The following MAGI1 variants were observed in gnomAD, a reference collection of about 807,000 sequenced individuals.
The protein encoded by MAGI1 is membrane associated guanylate kinase, WW and PDZ domain containing 1.
Under a neutral mutation model 139.9 loss-of-function variants are expected in MAGI1, and 58 were observed. That is an observed-to-expected ratio of 0.41 (90% CI 0.34 to 0.52). The LOEUF is 0.52. MAGI1 is among the 20% of genes least tolerant of loss of function. The pLI is 0.12. For synonymous variants in MAGI1, 812 were observed against 737.9 expected (o/e 1.10, Z -1.63); for missense variants, 1,874 against 1,901.6 (o/e 0.99, Z 0.27).
chr3:65,429,585 T>A lies in MAGI1; in HGVS notation c.2102A>T (p.Gln701Leu). Residue 701 changes from glutamine (Q) to leucine (L), a missense_variant, in exon 12 of 23, where the codon CAA (glutamine) becomes CTA (leucine). This residue lies in a region of MAGI1 where 482 missense variants were observed against 509.6 expected (regional missense o/e 0.95). Transcript: ENST00000402939. ...ACACTCAACCAGCATATCCACCACT[T>A]GGTTGTGAGTTAGGGCCTGCACGTT... is the stretch of plus-strand genomic sequence containing the variant. ...KKNVQALTHN[Q>L]VVDMLVECPK... is the part of the protein sequence containing the mutation. 2 of 1,613,914 alleles carry A rather than the reference T, an allele frequency of 1.2e-6. No individual in the cohort carries two copies. Among genetic ancestry groups the A allele is most frequent in the Non-Finnish European group, 1.7e-6 (2 of 1,179,908 alleles).
At chr3:65,359,116 T>C in intron 22 of MAGI1, 1 of 1,614,016 alleles carries the variant, frequency 6.2e-7, no homozygotes, top group Non-Finnish European at 8.5e-7. Context: ...GAGCTTTTCA[T>C]TTCTCATACA....
intron 1 of MAGI1, among the ~76,000 whole-genome samples, chr3:65,882,892 G>A (rs988899991): frequency 6.2e-5 from 9 of 144,416 alleles, no homozygotes; most frequent in Admixed American, 1.4e-4. Context: ...CCATGATCAC[G>A]CAACTGCATT....
At chr3:65,690,195 T>G (rs1271269724) in intron 1 of MAGI1, among the ~76,000 whole-genome samples, 1 of 152,138 alleles carries the variant, frequency 6.6e-6, no homozygotes, top group Non-Finnish European at 1.5e-5. Flanking sequence ...GTAGACTACA[T>G]GGAGTCTATT....
At chr3:65,856,905 T>C (rs548885140) in intron 1 of MAGI1, among the ~76,000 whole-genome samples, 1 of 152,334 alleles carries the variant, frequency 6.6e-6, no homozygotes, top group South Asian at 2.1e-4. Flanking sequence ...AAATCGCCCA[T>C]GGATCCAGAC....
intron 2 of MAGI1, among the ~76,000 whole-genome samples, chr3:65,508,041 A>C (rs576994089): frequency 9.3e-4 from 142 of 152,340 alleles, no homozygotes; most frequent in African/African-American, 2.6e-3. Context: ...GACTTTAAAA[A>C]TAACTATCTC....
rs147346297 is a variant in MAGI1, at chr3:65,957,720, G to A, written c.313+80276C>T. Among the ~76,000 whole-genome samples, 528 of 152,010 alleles carry A rather than the reference G, an allele frequency of 3.5e-3. 2 individuals are homozygous for A. The highest frequency in any genetic ancestry group is 0.024 in the Middle Eastern group (7 of 294). ...TGGTTACCAGGGAGCGAGCCTACCC[G>A]GGGGCTTCCTGGTTGCTATTATGTT... On this transcript the variant is annotated intron_variant, in intron 1 of 22. Transcript: ENST00000402939.
intron 1 of MAGI1, among the ~76,000 whole-genome samples, chr3:65,656,714 C>A (rs1466236293): frequency 2.6e-5 from 4 of 151,994 alleles, no homozygotes; most frequent in Admixed American, 6.6e-5. Context: ...AAAAGAGACA[C>A]AGGGCCAGAC....
chr3:65,923,778 A>G (rs566954819), intron 1 of MAGI1, among the ~76,000 whole-genome samples: 1 of 152,308 alleles, frequency 6.6e-6, no homozygotes, highest in Admixed American at 6.5e-5. Context: ...GCACAAGCAC[A>G]TTTGGCCAAG....
chr3:65,838,521 G>A (rs1264235714), intron 1 of MAGI1, among the ~76,000 whole-genome samples: 1 of 152,080 alleles, frequency 6.6e-6, no homozygotes. Flanking sequence ...TCGTCACTCA[G>A]CATAATGCCT....
intron 1 of MAGI1, among the ~76,000 whole-genome samples, chr3:65,709,504 A>G (rs186172137): frequency 3.8e-4 from 58 of 152,324 alleles, no homozygotes; most frequent in Middle Eastern, 3.4e-3. Context: ...GGAGGATAAA[A>G]TATTTAAACC....
intron 1 of MAGI1, among the ~76,000 whole-genome samples, chr3:65,983,250 T>C (rs1408637076): frequency 6.6e-6 from 1 of 152,270 alleles, no homozygotes; most frequent in African/African-American, 2.4e-5. Context: ...TATATGTGCA[T>C]ATAATTTATT....
chr3:65,827,387 C>G (rs138360925), intron 1 of MAGI1, among the ~76,000 whole-genome samples: 4,403 of 151,866 alleles, frequency 0.029, 104 homozygotes, highest in Middle Eastern at 0.044. Flanking sequence ...AGGCACAGCA[C>G]AAAGAATATT....
At chr3:65,453,146 C>T (rs1189224276) in intron 6 of MAGI1, 112 bp downstream of exon 6, 1 of 876,630 alleles carries the variant, frequency 1.1e-6, no homozygotes, top group East Asian at 2.4e-5. Flanking sequence ...AATTGGATTA[C>T]CTTTTAAAAA....
intron 1 of MAGI1, among the ~76,000 whole-genome samples, chr3:65,708,516 C>T (rs1347594785): frequency 6.6e-6 from 1 of 152,036 alleles, no homozygotes; most frequent in East Asian, 1.9e-4. Flanking sequence ...TCTTTTGAAA[C>T]TTGAATTTGG....
intron 1 of MAGI1, among the ~76,000 whole-genome samples, chr3:65,888,213 T>C (rs2060606792): frequency 6.6e-6 from 1 of 152,146 alleles, no homozygotes; most frequent in South Asian, 2.1e-4. Flanking sequence ...TAGAACAGAT[T>C]TTTCCTAATG....
At chr3:65,360,056 C>T in intron 22 of MAGI1, 1 of 985,360 alleles carries the variant, frequency 1.0e-6, no homozygotes, top group Non-Finnish European at 1.2e-6. Flanking sequence ...CCCACCCTCC[C>T]CCTGTACCTC....
At chr3:65,964,702 G>A (rs2064649336) in intron 1 of MAGI1, among the ~76,000 whole-genome samples, 1 of 152,192 alleles carries the variant, frequency 6.6e-6, no homozygotes, top group Admixed American at 6.5e-5. Context: ...CACTCAGACA[G>A]ATTTTTTGAG....
At chr3:65,407,354 G>A (rs1379662041) in intron 12 of MAGI1, among the ~76,000 whole-genome samples, 1 of 151,810 alleles carries the variant, frequency 6.6e-6, no homozygotes, top group Non-Finnish European at 1.5e-5. Context: ...GGCTGAGACA[G>A]GAGAATCACT....
chr3:65,780,279 C>G (rs750103184), intron 1 of MAGI1, among the ~76,000 whole-genome samples: 2 of 152,208 alleles, frequency 1.3e-5, no homozygotes, highest in African/African-American at 4.8e-5. Context: ...CCGCTTCAAT[C>G]TCCCAAAGTG....
Sources: allele counts gnomAD v4.1 joint callset (sites outside exome capture counted in the v4.1 genomes callset), GRCh38; gene constraint gnomAD v4.1.1; regional missense constraint gnomAD v4.1.1; transcripts MANE v1.5; gene names NCBI Gene and HGNC (gene_info 2026-07-23, HGNC 2026-07-21).